EXOC6B: variants seen among roughly 807,000 people sequenced by gnomAD.
EXOC6B encodes the protein SEC15 homolog B.
EXOC6B carries 54 observed loss-of-function variants against 113.5 expected under a neutral mutation model. The ratio of observed to expected loss-of-function variants is 0.48; its 90% CI spans 0.38 to 0.60. The LOEUF (loss-of-function observed/expected upper bound fraction) is 0.60, where lower values mean the gene tolerates loss of function less well. Among genes scored for constraint, EXOC6B ranks in the 20% least tolerant of loss-of-function variants. The pLI is 0.00. For missense variants in EXOC6B, 797 were observed against 977.5 expected (o/e 0.82, Z 2.46); for synonymous variants, 357 against 339.0 (o/e 1.05, Z -0.58).
At chr2:72,491,591 A>G (rs1558725444) in intron 16 of EXOC6B, among the ~76,000 whole-genome samples, 1 of 152,152 alleles carries the variant, frequency 6.6e-6, no homozygotes, top group Non-Finnish European at 1.5e-5. Flanking sequence ...AAACAGATTG[A>G]GGTTACTACG....
chr2:72,681,167 T>C (rs1676673262), intron 6 of EXOC6B, among the ~76,000 whole-genome samples: 1 of 152,180 alleles, frequency 6.6e-6, no homozygotes, highest in African/African-American at 2.4e-5. Flanking sequence ...CTCTCATCTT[T>C]CAACACACAT....
At chr2:72,205,301 G>A (rs1445529642) in intron 20 of EXOC6B, among the ~76,000 whole-genome samples, 2 of 151,886 alleles carry the variant, frequency 1.3e-5, no homozygotes, top group East Asian at 1.9e-4. Context: ...GCTGTACCCA[G>A]GAGACTGACC....
At chr2:72,767,416 G>A (rs1451447853) in intron 1 of EXOC6B, among the ~76,000 whole-genome samples, 1 of 151,876 alleles carries the variant, frequency 6.6e-6, no homozygotes, top group Non-Finnish European at 1.5e-5. Context: ...GGGCAAAAGA[G>A]CAAAACTCGG....
intron 18 of EXOC6B, among the ~76,000 whole-genome samples, chr2:72,404,575 T>C (rs562344461): frequency 6.6e-6 from 1 of 152,228 alleles, no homozygotes; most frequent in Non-Finnish European, 1.5e-5. Context: ...TGCAGCCTCC[T>C]CTACTGATAC....
intron 18 of EXOC6B, among the ~76,000 whole-genome samples, chr2:72,410,698 A>G (rs557855947): frequency 1.2e-4 from 18 of 152,334 alleles, no homozygotes; most frequent in African/African-American, 4.3e-4. Flanking sequence ...TTATGAAGCT[A>G]ATTTTAATTT....
At chr2:72,687,287 A>C (rs1453833586) in intron 6 of EXOC6B, among the ~76,000 whole-genome samples, 2 of 152,214 alleles carry the variant, frequency 1.3e-5, no homozygotes, top group Admixed American at 1.3e-4. Flanking sequence ...TAAATTGTTA[A>C]TGACTGGGGC....
chr2:72,486,973 G>C (rs1270446920), intron 16 of EXOC6B, among the ~76,000 whole-genome samples: 1 of 151,214 alleles, frequency 6.6e-6, no homozygotes, highest in Non-Finnish European at 1.5e-5. Context: ...TCTTATATTT[G>C]CTGTCTCTAA....
At chr2:72,512,367 AGAAGGAAGGAAGGAAGGAAGGAAG>A (rs1281809681) in intron 11 of EXOC6B, among the ~76,000 whole-genome samples, 3 of 13,626 alleles carry the variant, frequency 2.2e-4, no homozygotes, top group African/African-American at 3.6e-4. Flanking sequence ...AAGGAAGGAA[AGAAGGAAGGAAGGAAGGAAGGAAG>A]GAAGGAAGGA....
chr2:72,497,293 T>A (rs1339445008), intron 13 of EXOC6B, among the ~76,000 whole-genome samples: 1 of 152,084 alleles, frequency 6.6e-6, no homozygotes, highest in East Asian at 1.9e-4. Context: ...GTTTTTAAAA[T>A]CATGTTCTAT....
intron 18 of EXOC6B, among the ~76,000 whole-genome samples, chr2:72,417,033 A>C (rs1483183987): frequency 1.3e-4 from 20 of 152,178 alleles, no homozygotes. Context: ...AATCAATGTC[A>C]TATCTATTAG....
At position 72,563,725 on chromosome 2, in the gene EXOC6B, G is replaced by A. The variant is rs187632205; in HGVS notation, c.847-4204C>T. On this transcript the variant is annotated intron_variant, in intron 7 of 21. Transcript: ENST00000272427. ...CTGATTACAAAAATTTTTACAAAAC[G>A]CCAGGATGTGACTTTTAGGATATCT... 5.4e-3 allele frequency among the ~76,000 whole-genome samples: 821 copies of A among 152,076 alleles called. 9 individuals are homozygous for A. The highest frequency in any genetic ancestry group is 0.019 in the African/African-American group (783 of 41,502).
At chr2:72,510,593 T>C (rs1397248218) in intron 11 of EXOC6B, among the ~76,000 whole-genome samples, 1 of 151,512 alleles carries the variant, frequency 6.6e-6, no homozygotes, top group Non-Finnish European at 1.5e-5. Flanking sequence ...AAACACAGCA[T>C]GTTCCTACTT....
At chr2:72,653,686 C>T (rs1558884954) in intron 6 of EXOC6B, among the ~76,000 whole-genome samples, 1 of 150,244 alleles carries the variant, frequency 6.7e-6, no homozygotes, top group Non-Finnish European at 1.5e-5. Flanking sequence ...AATTATACCT[C>T]TAAAAGAGGT....
At chr2:72,812,606 G>C (rs1182393138) in intron 1 of EXOC6B, among the ~76,000 whole-genome samples, 1 of 152,136 alleles carries the variant, frequency 6.6e-6, no homozygotes, top group African/African-American at 2.4e-5. Flanking sequence ...TGGGAGAATA[G>C]CTTGAGCCAA....
chr2:72,212,991 A>T (rs1201169753), intron 20 of EXOC6B, among the ~76,000 whole-genome samples: 2 of 143,710 alleles, frequency 1.4e-5, no homozygotes, highest in African/African-American at 5.0e-5. Flanking sequence ...TAGCTTTAGG[A>T]CTTGATTTCC....
chr2:72,225,017 C>CT (rs561909036), intron 20 of EXOC6B, among the ~76,000 whole-genome samples: 1,361 of 104,508 alleles, frequency 0.013, 21 homozygotes, highest in African/African-American at 0.038. Context: ...AATACACATA[C>CT]TTTTTTTTTT....
chr2:72,498,206 AGGCAAAATAG>A (rs368703320), intron 13 of EXOC6B, among the ~76,000 whole-genome samples: 1 of 152,344 alleles, frequency 6.6e-6, no homozygotes, highest in East Asian at 1.9e-4. Context: ...GGAAACAAAA[AGGCAAAATAG>A]GGTTTGGGGA....
intron 20 of EXOC6B, among the ~76,000 whole-genome samples, chr2:72,312,893 G>A (rs1156785919): frequency 1.3e-5 from 2 of 150,904 alleles, no homozygotes; most frequent in Admixed American, 6.6e-5. Flanking sequence ...ACAAAGCAGA[G>A]ACATTCCCAA....
At chr2:72,646,006 T>C (rs1421227036) in intron 6 of EXOC6B, among the ~76,000 whole-genome samples, 1 of 152,090 alleles carries the variant, frequency 6.6e-6, no homozygotes, top group Non-Finnish European at 1.5e-5. Flanking sequence ...ATCCAGGAGC[T>C]GGTTTTTTGA....
Sources: gnomAD v4.1 joint callset for allele counts (sites outside exome capture counted in the v4.1 genomes callset) on GRCh38, gnomAD v4.1.1 for gene constraint, MANE v1.5 for transcripts, NCBI Gene and HGNC (gene_info 2026-07-23, HGNC 2026-07-21) for gene names.